RBFOX1: variants seen among roughly 807,000 people sequenced by gnomAD.
RBFOX1 encodes RNA binding protein fox-1 homolog 1.
A neutral mutation model predicts 57.7 loss-of-function variants in RBFOX1; 8 were observed. That is an observed-to-expected ratio of 0.14 (90% CI 0.08 to 0.25). RBFOX1 has a LOEUF of 0.25. Among genes scored for constraint, RBFOX1 ranks in the 10% least tolerant of loss-of-function variants. The pLI, the probability that RBFOX1 is intolerant of heterozygous loss-of-function variation, is 1.00. For missense variants in RBFOX1, 611 were observed against 548.5 expected (o/e 1.11, Z -1.14); for synonymous variants, 326 against 222.4 (o/e 1.47, Z -4.15).
intron 2 of RBFOX1, among the ~76,000 whole-genome samples, chr16:5,509,930 C>T (rs947950827): frequency 3.9e-5 from 6 of 152,150 alleles, no homozygotes; most frequent in Admixed American, 6.5e-5. Context: ...TCCTTGAATG[C>T]CTTTGGTTTT....
intron 4 of RBFOX1, among the ~76,000 whole-genome samples, chr16:7,464,552 A>G (rs566470870): frequency 3.3e-5 from 5 of 152,144 alleles, no homozygotes; most frequent in African/African-American, 1.2e-4. Flanking sequence ...GGACATCTAC[A>G]AGCTATTGTT....
intron 4 of RBFOX1, among the ~76,000 whole-genome samples, chr16:5,983,110 G>A (rs976413425): frequency 6.6e-6 from 1 of 152,050 alleles, no homozygotes; most frequent in Non-Finnish European, 1.5e-5. Flanking sequence ...CTGCATCTCC[G>A]TCTCTCCAAT....
In RBFOX1 at chr16:6,847,681, C is replaced by T. The variant is rs922756599; in HGVS notation, c.-16+193031C>T. Among the ~76,000 whole-genome samples, 7 of 152,080 alleles carry T rather than the reference C, an allele frequency of 4.6e-5. No homozygotes were observed. In the East Asian group the frequency reaches 5.8e-4, roughly 13 times the overall value. ...ACAGCATAACTACAAGAGGCTGATA[C>T]GGTTATTTGACAGTGATCGTCAGGA... On this transcript the variant is annotated intron_variant, in intron 3 of 15. Coordinates refer to ENST00000550418, the MANE Select transcript of RBFOX1 (RefSeq NM_018723.4).
chr16:5,288,911 G>A (rs554352742), intron 1 of RBFOX1, among the ~76,000 whole-genome samples: 7 of 152,236 alleles, frequency 4.6e-5, no homozygotes, highest in African/African-American at 1.4e-4. Flanking sequence ...TGGGTCATGA[G>A]GTCAGGAGAT....
intron 3 of RBFOX1, among the ~76,000 whole-genome samples, chr16:5,812,458 C>CTT (rs35251301): frequency 0.02 from 2,680 of 135,456 alleles, 103 homozygotes; most frequent in African/African-American, 0.069. Flanking sequence ...GTCTTTTTCT[C>CTT]TTTTTTTTTT....
intron 4 of RBFOX1, among the ~76,000 whole-genome samples, chr16:7,494,351 G>T (rs775323242): frequency 6.6e-6 from 1 of 152,048 alleles, no homozygotes; most frequent in South Asian, 2.1e-4. Context: ...TACCATTGGC[G>T]GCTAGTGTGT....
At chr16:6,574,424 A>ATTTTTTTTTTTTTT (rs34505014) in intron 2 of RBFOX1, among the ~76,000 whole-genome samples, 2 of 89,942 alleles carry the variant, frequency 2.2e-5, no homozygotes, top group African/African-American at 4.2e-5. Flanking sequence ...CGTATCTTCT[A>ATTTTTTTTTTTTTT]TTTTTTTTTT....
intron 1 of RBFOX1, among the ~76,000 whole-genome samples, chr16:6,207,793 T>G (rs913045699): frequency 6.6e-6 from 1 of 152,154 alleles, no homozygotes; most frequent in South Asian, 2.1e-4. Context: ...GCTCAGGGGA[T>G]CCTCCTACCT....
intron 2 of RBFOX1, among the ~76,000 whole-genome samples, chr16:6,446,635 C>T (rs1392637173): frequency 1.3e-5 from 2 of 152,112 alleles, no homozygotes; most frequent in African/African-American, 2.4e-5. Context: ...TTGGTTTCTT[C>T]ATCTGTAAAA....
At chr16:7,125,704 T>A (rs904693266) in intron 4 of RBFOX1, among the ~76,000 whole-genome samples, 1 of 152,188 alleles carries the variant, frequency 6.6e-6, no homozygotes, top group Non-Finnish European at 1.5e-5. Context: ...CTTTTTTTTT[T>A]TAGACAGATG....
At chr16:5,839,399 T>A (rs2056556499) in intron 3 of RBFOX1, among the ~76,000 whole-genome samples, 1 of 152,226 alleles carries the variant, frequency 6.6e-6, no homozygotes, top group South Asian at 2.1e-4. Context: ...ATGGCCCTAA[T>A]TCCTTTAGCC....
intron 4 of RBFOX1, among the ~76,000 whole-genome samples, chr16:7,476,572 G>A (rs8056008): frequency 0.04 from 6,166 of 152,292 alleles, 408 homozygotes; most frequent in African/African-American, 0.14. Context: ...TTCTGCAGAC[G>A]TAGGGGGCTA....
chr16:6,823,055 G>A (rs1413970184), intron 3 of RBFOX1, among the ~76,000 whole-genome samples: 5 of 152,136 alleles, frequency 3.3e-5, no homozygotes, highest in Non-Finnish European at 5.9e-5. Flanking sequence ...ATTGGCATGT[G>A]TGTTGAATAC....
At chr16:6,224,186 C>T (rs944684646) in intron 1 of RBFOX1, among the ~76,000 whole-genome samples, 35 of 150,184 alleles carry the variant, frequency 2.3e-4, no homozygotes, top group Admixed American at 1.0e-3. Context: ...GTGATGAGGG[C>T]TCTTTTTTGG....
At chr16:6,291,264 C>T (rs147879376) in intron 1 of RBFOX1, among the ~76,000 whole-genome samples, 4 of 152,226 alleles carry the variant, frequency 2.6e-5, no homozygotes, top group African/African-American at 7.2e-5. Flanking sequence ...GAATGCAGCC[C>T]AGTAGGTCTC....
chr16:5,415,050 A>G (rs151021480), intron 1 of RBFOX1, among the ~76,000 whole-genome samples: 249 of 152,218 alleles, frequency 1.6e-3, no homozygotes, highest in African/African-American at 5.8e-3. Context: ...TATCATTCCC[A>G]TTTTACAGAT....
intron 3 of RBFOX1, among the ~76,000 whole-genome samples, chr16:6,693,231 C>T (rs1164871278): frequency 1.3e-5 from 2 of 151,656 alleles, no homozygotes; most frequent in Non-Finnish European, 2.9e-5. Flanking sequence ...CATCCTCCTC[C>T]ACTACCATCA....
At chr16:6,924,585 G>A (rs902913229) in intron 3 of RBFOX1, among the ~76,000 whole-genome samples, 7 of 151,946 alleles carry the variant, frequency 4.6e-5, no homozygotes, top group African/African-American at 7.3e-5. Flanking sequence ...CTGTATCACC[G>A]AGCCTCCATT....
At chr16:6,259,358 T>C (rs2097687858) in intron 1 of RBFOX1, among the ~76,000 whole-genome samples, 2 of 152,152 alleles carry the variant, frequency 1.3e-5, no homozygotes, top group South Asian at 4.1e-4. Context: ...AACTGATGTC[T>C]TGAAAAACTT....
Sources: gnomAD v4.1 joint callset for allele counts (sites outside exome capture counted in the v4.1 genomes callset) on GRCh38, gnomAD v4.1.1 for gene constraint, MANE v1.5 for transcripts, NCBI Gene and HGNC (gene_info 2026-07-23, HGNC 2026-07-21) for gene names.